LRRK1: variants seen among roughly 807,000 people sequenced by gnomAD.
LRRK1 encodes leucine rich repeat kinase 1.
A neutral mutation model predicts 209.1 loss-of-function variants in LRRK1; 113 were observed. The observed-to-expected ratio is 0.54, with a 90% CI of 0.46 to 0.63. LRRK1 has a LOEUF of 0.63. Among genes scored for constraint, LRRK1 ranks in the 30% least tolerant of loss-of-function variants. The pLI is 0.00. For missense variants in LRRK1, 2,284 were observed against 2,632.2 expected, an observed-to-expected ratio of 0.87 and a Z score of 2.89; for synonymous variants, 1,144 against 1,099.7, an observed-to-expected ratio of 1.04 and a Z score of -0.80.
At chr15:101,033,923 G>C (rs1199903442) in intron 20 of LRRK1, among the ~76,000 whole-genome samples, 1 of 152,094 alleles carries the variant, frequency 6.6e-6, no homozygotes, top group Non-Finnish European at 1.5e-5. Context: ...GTCCTCACCA[G>C]CATCTGTTAT....
At chr15:101,003,870 A>G (rs544546537) in intron 6 of LRRK1, among the ~76,000 whole-genome samples, 79 of 152,200 alleles carry the variant, frequency 5.2e-4, no homozygotes, top group African/African-American at 1.9e-3. Context: ...TTTGGTCACC[A>G]TGGTAACCCA....
At chr15:100,924,799 C>A in intron 2 of LRRK1, 70 bp downstream of exon 2, 1 of 1,171,908 alleles carries the variant, frequency 8.5e-7, no homozygotes, top group Non-Finnish European at 1.3e-6. Context: ...GGTGTCTAGG[C>A]TATGTAAGAA....
rs1331797661 is a variant in LRRK1, at chr15:101,075,500, T to C, written c.*6652T>C. ...CACCCCTTACCATCTCATCGAAACC[T>C]AATCACCCTTACCCCGCTCAACACC... is the stretch of plus-strand genomic sequence containing the variant. On this transcript the variant is annotated 3_prime_UTR_variant, in exon 34 of 34. Transcript: ENST00000388948. 1 of 120,390 alleles carries C rather than the reference T, an allele frequency of 8.3e-6. No homozygotes were observed. The highest frequency in any genetic ancestry group is 2.1e-4 in the East Asian group (1 of 4,690). The allele number at this position is 120,390 out of a possible 1,614,324, so 7.5% of individuals were successfully genotyped here.
chr15:101,033,339 G>A (rs956950515), intron 20 of LRRK1, among the ~76,000 whole-genome samples: 10 of 152,058 alleles, frequency 6.6e-5, no homozygotes, highest in Admixed American at 2.6e-4. Context: ...GCTAACTATC[G>A]TCACCCTAGT....
intron 12 of LRRK1, among the ~76,000 whole-genome samples, chr15:101,015,987 TC>T (rs1447514004): frequency 1.4e-5 from 2 of 143,132 alleles, no homozygotes; most frequent in East Asian, 2.2e-4. Context: ...TTCTTCCTCT[TC>T]TTTTTTTTTT....
chr15:101,013,632 A>T (rs963233302), intron 10 of LRRK1, among the ~76,000 whole-genome samples: 6 of 152,190 alleles, frequency 3.9e-5, no homozygotes, highest in Non-Finnish European at 8.8e-5. Context: ...TAAATAAATA[A>T]AAAGAATAAC....
chr15:100,930,271 C>A (rs1372857583), intron 2 of LRRK1, among the ~76,000 whole-genome samples: 2 of 152,174 alleles, frequency 1.3e-5, no homozygotes, highest in Non-Finnish European at 2.9e-5. Flanking sequence ...CTGAGTAAGC[C>A]ATCCCACGGA....
In LRRK1 at chr15:101,027,892, C is replaced by T. The variant is rs1325856823; in HGVS notation, c.2686+95C>T. 1.7e-6 allele frequency: 2 copies of T among 1,159,452 alleles called. No homozygotes were observed. The highest frequency in any genetic ancestry group is 2.4e-6 in the Non-Finnish European group (2 of 830,812). 71.8% of individuals were successfully genotyped at this position (1,159,452 alleles called of 1,614,324 possible). On this transcript the variant is annotated intron_variant, in intron 19 of 33. Transcript: ENST00000388948. The surrounding 1 kb of genome is among the most constrained non-coding windows in gnomAD (Gnocchi z 5.1). ...CTTGGCCTCAGTAATGAATGAGAGA[C>T]CGACACCCAGCCTGCGTTTCTGCCT...
intron 2 of LRRK1, among the ~76,000 whole-genome samples, chr15:100,972,413 T>C (rs2030979717): frequency 6.7e-6 from 1 of 149,298 alleles, no homozygotes; most frequent in African/African-American, 2.5e-5. Context: ...TTTTGGTATG[T>C]TTGAAGAATA....
At chr15:100,983,838 A>G (rs1224508550) in intron 4 of LRRK1, 139 bp downstream of exon 4, 1 of 896,698 alleles carries the variant, frequency 1.1e-6, no homozygotes, top group Admixed American at 1.7e-5. Flanking sequence ...ACCCAAACAA[A>G]GTGAAGCTTG....
intron 29 of LRRK1, among the ~76,000 whole-genome samples, chr15:101,059,106 C>G (rs986902710): frequency 2.6e-5 from 4 of 152,174 alleles, no homozygotes; most frequent in African/African-American, 9.7e-5. Flanking sequence ...GGAAGTTTTT[C>G]TGACCAGGCC....
intron 2 of LRRK1, among the ~76,000 whole-genome samples, chr15:100,950,032 A>T (rs563180269): frequency 4.4e-4 from 67 of 152,356 alleles, no homozygotes; most frequent in Admixed American, 2.2e-3. Context: ...AAAGACAAGA[A>T]AAAGAAATGA....
intron 2 of LRRK1, among the ~76,000 whole-genome samples, chr15:100,936,440 T>C (rs2042301068): frequency 6.6e-6 from 1 of 152,246 alleles, no homozygotes; most frequent in Non-Finnish European, 1.5e-5. Flanking sequence ...AACTCCACAA[T>C]GTCATCCACT....
chr15:101,062,919 G>T (rs1187861933), intron 31 of LRRK1, among the ~76,000 whole-genome samples: 1 of 152,170 alleles, frequency 6.6e-6, no homozygotes, highest in Admixed American at 6.5e-5. Context: ...CAGGCCGAAT[G>T]AAAAACCCCC....
At chr15:101,040,741 A>G (rs1401763774) in intron 20 of LRRK1, among the ~76,000 whole-genome samples, 2 of 152,238 alleles carry the variant, frequency 1.3e-5, no homozygotes, top group Non-Finnish European at 2.9e-5. Flanking sequence ...AAGATTTTCT[A>G]ATATATCTTA....
At chr15:100,997,338 C>G (rs2032467436) in intron 6 of LRRK1, among the ~76,000 whole-genome samples, 1 of 152,158 alleles carries the variant, frequency 6.6e-6, no homozygotes, top group Non-Finnish European at 1.5e-5. Context: ...TCCATGTCAG[C>G]TGATGATCGA....
chr15:101,036,448 G>C (rs913192225), intron 20 of LRRK1, among the ~76,000 whole-genome samples: 27 of 151,166 alleles, frequency 1.8e-4, no homozygotes, highest in African/African-American at 6.3e-4. Flanking sequence ...ATTTCCATTT[G>C]GTTTTTTTTA....
At position 101,074,318 on chromosome 15, in the gene LRRK1, A is replaced by T. The variant is rs565000223; in HGVS notation, c.*5470A>T. 2 of 152,182 alleles carry T rather than the reference A, an allele frequency of 1.3e-5. No individual in the cohort carries two copies. The highest frequency in any genetic ancestry group is 4.1e-4 in the South Asian group (2 of 4,828). 9.4% of individuals were successfully genotyped at this position (152,182 alleles called of 1,614,324 possible). A position where few individuals can be genotyped will look rare whatever the true frequency, so the allele number is the denominator to read the frequency against. On this transcript the variant is annotated 3_prime_UTR_variant, in exon 34 of 34. Coordinates refer to ENST00000388948, the MANE Select transcript of LRRK1 (RefSeq NM_024652.6). ...CCCCTCCTCACACCCGGTCCGGCTT[A>T]CAGTTTCCTTCCGTGACTAGCCCTC... is the stretch of plus-strand genomic sequence containing the variant.
At chr15:101,025,873 C>T in intron 16 of LRRK1, 92 bp from the exon 17 acceptor site, 1 of 1,402,916 alleles carries the variant, frequency 7.1e-7, no homozygotes, top group Admixed American at 1.9e-5. Context: ...CCGTGGCATC[C>T]AGGGTCAGCG....
Sources: gnomAD v4.1 joint callset for allele counts (sites outside exome capture counted in the v4.1 genomes callset) on GRCh38, gnomAD v4.1.1 for gene constraint, Gnocchi (gnomAD v3.1) non-coding constraint, MANE v1.5 for transcripts, NCBI Gene and HGNC (gene_info 2026-07-23, HGNC 2026-07-21) for gene names.